Variants in B4GALT6 observed in about 807,000 individuals in gnomAD.
B4GALT6 encodes beta-1,4-galactosyltransferase 6.
B4GALT6 carries 14 observed loss-of-function variants against 46.3 expected under a neutral mutation model. The observed-to-expected ratio is 0.30, with a 90% CI of 0.20 to 0.47. The LOEUF (loss-of-function observed/expected upper bound fraction) is 0.47. Ranked by LOEUF, B4GALT6 falls within the 20% of genes least tolerant of loss-of-function variation. The pLI is 0.99. For missense variants in B4GALT6, 386 were observed against 480.1 expected (o/e 0.80, Z 1.83); for synonymous variants, 168 against 162.0 (o/e 1.04, Z -0.28).
In B4GALT6 at chr18:31,651,833, A is replaced by C. The variant is rs551234603; in HGVS notation, c.346+6143T>G. 3.4e-4 allele frequency among the ~76,000 whole-genome samples: 52 copies of C among 151,858 alleles called. 1 individual carries two copies. Among genetic ancestry groups the C allele is most frequent in the Non-Finnish European group, 5.7e-4 (39 of 67,960 alleles). Reference sequence around the variant, plus strand: ...TTTCCCAGGCTGAAGTGCAGTGGCGAGATCTCAGCTCACTGCCAGCTCCAC... The same window carrying C: ...TTTCCCAGGCTGAAGTGCAGTGGCGCGATCTCAGCTCACTGCCAGCTCCAC... On this transcript the variant is annotated intron_variant, in intron 3 of 8. Coordinates refer to ENST00000306851, the MANE Select transcript of B4GALT6 (RefSeq NM_004775.5).
intron 1 of B4GALT6, among the ~76,000 whole-genome samples, chr18:31,672,755 G>A (rs1325767400): frequency 6.6e-6 from 1 of 152,184 alleles, no homozygotes; most frequent in African/African-American, 2.4e-5. Context: ...GCATGGAGTT[G>A]CATAACTTGC....
At chr18:31,713,330 C>A in the B4GALT6 span, among the ~76,000 whole-genome samples, 11,058 of 152,168 alleles carry the variant, frequency 0.073, 964 homozygotes, top group African/African-American at 0.2. Context: ...CCAGCCCGGG[C>A]AATAGCGTGA....
the B4GALT6 span, among the ~76,000 whole-genome samples, chr18:31,718,146 A>T: frequency 6.6e-6 from 1 of 152,328 alleles, no homozygotes; most frequent in Admixed American, 6.5e-5. Flanking sequence ...TTGCAACAAC[A>T]TCAAAATAAG....
chr18:31,689,091 T>G (rs1309318735), upstream of B4GALT6, among the ~76,000 whole-genome samples: 1 of 152,220 alleles, frequency 6.6e-6, no homozygotes, highest in Non-Finnish European at 1.5e-5. Context: ...TATCTAGTCC[T>G]TGCTTGTCAT....
chr18:31,708,481 C>T, the B4GALT6 span, among the ~76,000 whole-genome samples: 1 of 152,116 alleles, frequency 6.6e-6, no homozygotes, highest in Non-Finnish European at 1.5e-5. Flanking sequence ...AGGATAATTG[C>T]TTGAACCCGG....
At chr18:31,647,063 TAC>T (rs1392538432) in intron 3 of B4GALT6, among the ~76,000 whole-genome samples, 1 of 152,214 alleles carries the variant, frequency 6.6e-6, no homozygotes, top group Non-Finnish European at 1.5e-5. Flanking sequence ...TAAACATAAG[TAC>T]AGACTATCAT....
chr18:31,691,177 C>G, the B4GALT6 span, among the ~76,000 whole-genome samples: 1 of 151,764 alleles, frequency 6.6e-6, no homozygotes, highest in Non-Finnish European at 1.5e-5. Context: ...ATTTTCTGAA[C>G]ATGATTCTAT....
At position 31,678,650 on chromosome 18, in the gene B4GALT6, AG is replaced by A. The variant is rs147218257; in HGVS notation, c.115+5661del. Among the ~76,000 whole-genome samples, 947 of 152,324 alleles carry A rather than the reference AG, an allele frequency of 6.2e-3. 12 individuals are homozygous for A. The highest frequency in any genetic ancestry group is 0.022 in the African/African-American group (906 of 41,574). On this transcript the variant is annotated intron_variant, in intron 1 of 8. Coordinates refer to ENST00000306851, the MANE Select transcript of B4GALT6 (RefSeq NM_004775.5). ...CTTCTCTCATTTCACAGACAAGGCT[AG>A]CCCTACTGGCAAGGGGTCAGGGGTG...
At chr18:31,700,791 A>G in the B4GALT6 span, among the ~76,000 whole-genome samples, 133,653 of 152,010 alleles carry the variant, frequency 0.88, 58,829 homozygotes, top group Non-Finnish European at 0.9. Flanking sequence ...TACAAGGATG[A>G]CCTTTGGTGT....
intron 3 of B4GALT6, among the ~76,000 whole-genome samples, chr18:31,651,065 C>G (rs2074060415): frequency 6.6e-6 from 1 of 151,966 alleles, no homozygotes; most frequent in South Asian, 2.1e-4. Flanking sequence ...CGCGCCCAGC[C>G]CCCAGCTGCA....
chr18:31,690,077 C>A (rs961538623), upstream of B4GALT6, among the ~76,000 whole-genome samples: 5 of 152,128 alleles, frequency 3.3e-5, no homozygotes, highest in Non-Finnish European at 7.4e-5. Flanking sequence ...AAAGAATTAA[C>A]TTATTATGGC....
At chr18:31,707,955 A>G in the B4GALT6 span, among the ~76,000 whole-genome samples, 2 of 152,218 alleles carry the variant, frequency 1.3e-5, no homozygotes, top group Non-Finnish European at 2.9e-5. Context: ...TTTTCACTCA[A>G]CATATTATGG....
chr18:31,687,484 G>A (rs2029967626), upstream of B4GALT6, among the ~76,000 whole-genome samples: 1 of 152,168 alleles, frequency 6.6e-6, no homozygotes, highest in Admixed American at 6.5e-5. Flanking sequence ...CAGTGCACAG[G>A]AAATGCTAAC....
rs190821754 is a variant in B4GALT6, at chr18:31,631,087, C to A, written c.648G>T (p.Met216Ile). Residue 216 changes from methionine (M) to isoleucine (I), a missense_variant, in exon 6 of 9, where the codon ATG (methionine) becomes ATT (isoleucine). Met to Ile is a conservative substitution (Grantham distance 10). Around this residue, in one of 2 missense-constraint regions of B4GALT6, gnomAD observed 323 missense variants for 438.9 expected, o/e 0.74. Transcript: ENST00000306851. ...MLFNVGFKEAMKDSVWDCVIF... is the reference protein window; with the variant it reads ...MLFNVGFKEAIKDSVWDCVIF... Reference sequence around the variant, plus strand: ...TTACACAGTCCCAGACACTGTCTTTCATGGCCTCTTTGAAGCCCACATTGA... The same window carrying A: ...TTACACAGTCCCAGACACTGTCTTTAATGGCCTCTTTGAAGCCCACATTGA... The A allele has an allele frequency of 6.2e-7, 1 of 1,614,100 alleles. No individual in the cohort carries two copies. The highest frequency in any genetic ancestry group is 2.2e-5 in the East Asian group (1 of 44,876).
intron 3 of B4GALT6, among the ~76,000 whole-genome samples, chr18:31,652,091 C>T (rs2074078214): frequency 6.6e-6 from 1 of 152,062 alleles, no homozygotes. Flanking sequence ...TCCTTTCTTT[C>T]CATGATGCCT....
At chr18:31,709,546 G>GAT in the B4GALT6 span, among the ~76,000 whole-genome samples, 33 of 124,528 alleles carry the variant, frequency 2.7e-4, no homozygotes, top group Non-Finnish European at 9.7e-5. Context: ...GGATCAATAG[G>GAT]ATATATATGT....
chr18:31,712,473 T>G, the B4GALT6 span, among the ~76,000 whole-genome samples: 68 of 151,836 alleles, frequency 4.5e-4, no homozygotes, highest in East Asian at 0.012. Context: ...CAGATAATTT[T>G]TGTATTTTTA....
intron 1 of B4GALT6, among the ~76,000 whole-genome samples, chr18:31,682,464 T>C (rs968325): frequency 0.46 from 70,209 of 152,070 alleles, 18,452 homozygotes; most frequent in South Asian, 0.66. Flanking sequence ...ATCAATCTAA[T>C]TGCCTACAAG....
intron 1 of B4GALT6, among the ~76,000 whole-genome samples, chr18:31,680,091 G>A (rs900284449): frequency 1.3e-5 from 2 of 152,040 alleles, no homozygotes. Context: ...CCAGAAAAAA[G>A]AGATGCCCAA....
Sources: gnomAD v4.1 joint callset for allele counts (sites outside exome capture counted in the v4.1 genomes callset) on GRCh38, gnomAD v4.1.1 for gene constraint, gnomAD v4.1.1 regional missense constraint, MANE v1.5 for transcripts, NCBI Gene and HGNC (gene_info 2026-07-23, HGNC 2026-07-21) for gene names.